Variants in TTC27 observed in about 807,000 individuals in gnomAD.
TTC27 encodes tetratricopeptide repeat protein 27.
A neutral mutation model predicts 115.9 loss-of-function variants in TTC27; 79 were observed. That is an observed-to-expected ratio of 0.68 (90% CI 0.57 to 0.82). The LOEUF (loss-of-function observed/expected upper bound fraction) is 0.82, where lower values mean the gene tolerates loss of function less well. Ranked by LOEUF, TTC27 falls within the 40% of genes least tolerant of loss-of-function variation. The probability of loss-of-function intolerance (pLI) is 0.00; values close to 1 mark genes in which losing one functional copy is unlikely to be tolerated. For synonymous variants in TTC27, 401 were observed against 356.0 expected, an observed-to-expected ratio of 1.13 and a Z score of -1.42; for missense variants, 1,054 against 993.1, an observed-to-expected ratio of 1.06 and a Z score of -0.82.
At chr2:32,752,015 G>C (rs188337651) in intron 12 of TTC27, among the ~76,000 whole-genome samples, 56 of 152,280 alleles carry the variant, frequency 3.7e-4, no homozygotes, top group African/African-American at 1.3e-3. Flanking sequence ...CACTACTTAA[G>C]ATCCATGCTA....
chr2:32,702,514 A>T (rs927075507), intron 9 of TTC27, among the ~76,000 whole-genome samples: 12 of 152,238 alleles, frequency 7.9e-5, no homozygotes, highest in African/African-American at 2.6e-4. Context: ...CAGTGTGTGC[A>T]TATTCAGTTT....
intron 10 of TTC27, among the ~76,000 whole-genome samples, chr2:32,704,072 G>C (rs963006776): frequency 6.6e-6 from 1 of 152,170 alleles, no homozygotes; most frequent in Non-Finnish European, 1.5e-5. Flanking sequence ...CTGCCCTCAG[G>C]ACTTAATAAT....
rs779547700 is a variant in TTC27 at position 32,692,036 on chromosome 2, G to GTTTTTTTTTT, written c.1120-10754_1120-10745dup. 2.3e-3 allele frequency among the ~76,000 whole-genome samples: 140 copies of GTTTTTTTTTT among 61,206 alleles called. 20 individuals carry two copies. Among genetic ancestry groups the GTTTTTTTTTT allele is most frequent in the African/African-American group, 3.2e-3 (53 of 16,392 alleles). 40.2% of individuals were successfully genotyped at this position (61,206 alleles called of 152,430 possible). On this transcript the variant is annotated intron_variant, in intron 9 of 19. Coordinates refer to ENST00000317907, the MANE Select transcript of TTC27 (RefSeq NM_017735.5). ...GGGATATTCTTTTTTAATTTTTTAG[G>GTTTTTTTTTT]TTTTTTTTTTTTTTTTTTTTTTTTT...
intron 10 of TTC27, among the ~76,000 whole-genome samples, chr2:32,704,701 T>C (rs915073494): frequency 6.6e-6 from 1 of 152,198 alleles, no homozygotes; most frequent in Non-Finnish European, 1.5e-5. Flanking sequence ...TAGTCCTTTT[T>C]TGACCTTGAT....
rs150586627 is a variant in TTC27 at position 32,767,443 on chromosome 2, G to GTTTTTTTT, written c.1680+8926_1680+8933dup. On this transcript the variant is annotated intron_variant, in intron 13 of 19. Transcript: ENST00000317907. ...AAAGATACTAAGTGAATATTTATAAGTTTTTTTTTGTTTTTTTTTTTTTTT... is the reference window on the plus strand; with the variant it reads ...AAAGATACTAAGTGAATATTTATAAGTTTTTTTTTTTTTTTTTGTTTTTTTTTTTTTTT... Among the ~76,000 whole-genome samples, 10 of 112,230 alleles carry GTTTTTTTT rather than the reference G, an allele frequency of 8.9e-5. 1 individual carries two copies. The highest frequency in any genetic ancestry group is 2.6e-4 in the South Asian group (1 of 3,792). 73.6% of individuals were successfully genotyped at this position (112,230 alleles called of 152,430 possible).
At chr2:32,690,691 G>C (rs1295093058) in intron 9 of TTC27, among the ~76,000 whole-genome samples, 1 of 152,160 alleles carries the variant, frequency 6.6e-6, no homozygotes, top group Non-Finnish European at 1.5e-5. Flanking sequence ...GGGAAAAGTA[G>C]ATTTGAAAAA....
At chr2:32,768,509 A>G (rs898084437) in intron 13 of TTC27, among the ~76,000 whole-genome samples, 1 of 152,238 alleles carries the variant, frequency 6.6e-6, no homozygotes, top group Non-Finnish European at 1.5e-5. Context: ...GAATTGTGCT[A>G]TGTCAACCTA....
intron 12 of TTC27, among the ~76,000 whole-genome samples, chr2:32,737,459 T>C (rs1287795861): frequency 1.3e-5 from 2 of 151,966 alleles, no homozygotes; most frequent in Admixed American, 1.3e-4. Context: ...AAGACTTAAG[T>C]TGAGTACATA....
At position 32,781,770 on chromosome 2, in the gene TTC27, TA is replaced by T. The variant is rs1311991050; in HGVS notation, c.1780-854del. On this transcript the variant is annotated intron_variant, in intron 14 of 19. Coordinates refer to ENST00000317907, the MANE Select transcript of TTC27 (RefSeq NM_017735.5). Reference sequence around the variant, plus strand: ...CCTCTAATAACCTTTTCTTAAGGTATAACCTCTCTGGGATTGAATTTAATGC... The same window carrying T: ...CCTCTAATAACCTTTTCTTAAGGTATACCTCTCTGGGATTGAATTTAATGC... Among the ~76,000 whole-genome samples, 7 of 152,320 alleles carry T rather than the reference TA, an allele frequency of 4.6e-5. No homozygotes were observed. In the East Asian group the frequency reaches 1.4e-3, roughly 29 times the overall value.
At chr2:32,674,077 C>G (rs1243173439) in intron 8 of TTC27, among the ~76,000 whole-genome samples, 2 of 152,040 alleles carry the variant, frequency 1.3e-5, no homozygotes, top group Non-Finnish European at 2.9e-5. Context: ...TAGAATCCCT[C>G]ACAAAGCTAT....
At chr2:32,748,916 G>GACCTCAGGAGATCTGCCC (rs1668919178) in intron 12 of TTC27, among the ~76,000 whole-genome samples, 1 of 152,034 alleles carries the variant, frequency 6.6e-6, no homozygotes, top group East Asian at 1.9e-4. Flanking sequence ...TCGAACTCCT[G>GACCTCAGGAGATCTGCCC]ACCTCAGGAG....
In TTC27 at chr2:32,664,347, T is replaced by G. The variant is rs1430048418; in HGVS notation, c.685T>G (p.Leu229Val). ...GTTTGTAGATGATTCAGGTCGATAT[T>G]TGGCTATTCAATTCCATCTGGAATG... ...NLFVDDSGRY[L>V]AIQFHLECAY... Residue 229 changes from leucine to valine, a missense_variant, in exon 6 of 20, where the codon TTG becomes GTG. By Grantham distance (32) the Leu-to-Val change is conservative. Coordinates refer to ENST00000317907, the MANE Select transcript of TTC27 (RefSeq NM_017735.5). 6.2e-7 allele frequency: 1 copy of G among 1,610,776 alleles called. No homozygotes were observed. Among genetic ancestry groups the G allele is most frequent in the African/African-American group, 1.3e-5 (1 of 74,826 alleles).
intron 5 of TTC27, among the ~76,000 whole-genome samples, chr2:32,655,609 A>T (rs1043779230): frequency 6.6e-6 from 1 of 152,110 alleles, no homozygotes; most frequent in Non-Finnish European, 1.5e-5. Flanking sequence ...TCTCACTCAT[A>T]CCAATGGTGG....
intron 12 of TTC27, among the ~76,000 whole-genome samples, chr2:32,740,027 A>G (rs547063023): frequency 2.0e-5 from 3 of 152,234 alleles, no homozygotes; most frequent in Non-Finnish European, 4.4e-5. Flanking sequence ...ACCGGCATAC[A>G]TTCTTGTTAT....
At chr2:32,635,137 C>A (rs1339562064) in intron 3 of TTC27, 1 of 152,106 alleles carries the variant, frequency 6.6e-6, no homozygotes, top group East Asian at 1.9e-4. Flanking sequence ...ATAGAGCTTG[C>A]AGTTTGAGTT....
At chr2:32,761,350 C>T (rs964119665) in intron 13 of TTC27, among the ~76,000 whole-genome samples, 5 of 152,180 alleles carry the variant, frequency 3.3e-5, no homozygotes, top group Non-Finnish European at 5.9e-5. Flanking sequence ...TCCCCATTGT[C>T]TTGCACCTGA....
At chr2:32,747,134 C>T (rs891188967) in intron 12 of TTC27, among the ~76,000 whole-genome samples, 8 of 152,170 alleles carry the variant, frequency 5.3e-5, no homozygotes, top group Admixed American at 2.0e-4. Flanking sequence ...AAGTTACACA[C>T]CATCTATTAT....
chr2:32,676,386 T>A (rs1029194699), intron 8 of TTC27, among the ~76,000 whole-genome samples: 2 of 152,084 alleles, frequency 1.3e-5, no homozygotes, highest in Non-Finnish European at 2.9e-5. Flanking sequence ...TCGGTTCATT[T>A]AAAAATTATT....
intron 5 of TTC27, among the ~76,000 whole-genome samples, chr2:32,651,627 G>A (rs1374119622): frequency 6.6e-6 from 1 of 152,158 alleles, no homozygotes; most frequent in East Asian, 1.9e-4. Context: ...TTACAGGCTC[G>A]AGCCACTGCG....
Sources: gnomAD v4.1 joint callset for allele counts (sites outside exome capture counted in the v4.1 genomes callset) on GRCh38, gnomAD v4.1.1 for gene constraint, MANE v1.5 for transcripts, NCBI Gene and HGNC (gene_info 2026-07-23, HGNC 2026-07-21) for gene names.